Variants in ABCC2 observed in about 807,000 individuals in gnomAD.
ABCC2 encodes ATP-binding cassette sub-family C member 2.
ABCC2 carries 157 observed loss-of-function variants against 173.4 expected under a neutral mutation model. That is an observed-to-expected ratio of 0.91 (90% CI 0.80 to 1.03). The LOEUF (loss-of-function observed/expected upper bound fraction) is 1.03. Ranked by LOEUF, ABCC2 falls within the 50% of genes least tolerant of loss-of-function variation. ABCC2 has a pLI of 0.00. For synonymous variants in ABCC2, 657 were observed against 693.5 expected (o/e 0.95, Z 0.83); for missense variants, 1,822 against 1,852.3 (o/e 0.98, Z 0.30).
chr10:99,842,419 G>A (rs944579518), intron 26 of ABCC2, among the ~76,000 whole-genome samples: 9 of 152,108 alleles, frequency 5.9e-5, no homozygotes, highest in African/African-American at 1.7e-4. Flanking sequence ...TCTCTAGAAC[G>A]TAGCAGTAAT....
In ABCC2 at chr10:99,784,640, C is replaced by A; in HGVS notation, c.66C>A (p.Asp22Glu). The A allele has an allele frequency of 1.2e-6, 2 of 1,614,222 alleles. No homozygotes were observed. The highest frequency in any genetic ancestry group is 1.7e-6 in the Non-Finnish European group (2 of 1,180,042). Reference protein sequence around the residue: ...NSSFLDSPEADLPLCFEQTVL... With the variant: ...NSSFLDSPEAELPLCFEQTVL... ...CATTCCTGGACAGTCCGGAGGCAGA[C>A]CTGCCACTTTGTTTTGAGCAAACTG... Residue 22 changes from aspartate (D) to glutamate (E), a missense_variant, in exon 2 of 32, where the codon GAC becomes GAA. Coordinates refer to ENST00000647814, the MANE Select transcript of ABCC2 (RefSeq NM_000392.5).
At chr10:99,832,972 G>C (rs2038764430) in intron 23 of ABCC2, among the ~76,000 whole-genome samples, 1 of 152,250 alleles carries the variant, frequency 6.6e-6, no homozygotes, top group African/African-American at 2.4e-5. Flanking sequence ...CAGGAACAGA[G>C]GCAGAGATCA....
At chr10:99,798,305 C>G (rs2037956131) in intron 7 of ABCC2, among the ~76,000 whole-genome samples, 1 of 152,078 alleles carries the variant, frequency 6.6e-6, no homozygotes, top group South Asian at 2.1e-4. Flanking sequence ...GAGAGAGTAT[C>G]ACTGGTAGGC....
At chr10:99,798,372 A>G (rs1223797537) in intron 7 of ABCC2, among the ~76,000 whole-genome samples, 1 of 152,160 alleles carries the variant, frequency 6.6e-6, no homozygotes, top group Non-Finnish European at 1.5e-5. Flanking sequence ...GAGGAGGCCA[A>G]AGCATAGACA....
At chr10:99,851,080 C>T (rs569347855) in intron 31 of ABCC2, among the ~76,000 whole-genome samples, 2 of 152,328 alleles carry the variant, frequency 1.3e-5, no homozygotes, top group South Asian at 4.1e-4. Flanking sequence ...CCGTGAGAGG[C>T]AGATGTTGAC....
At chr10:99,808,455 C>T (rs2038152208) in intron 13 of ABCC2, among the ~76,000 whole-genome samples, 1 of 152,136 alleles carries the variant, frequency 6.6e-6, no homozygotes, top group Admixed American at 6.5e-5. Context: ...TCTCATCTAC[C>T]TCACAGGGAG....
chr10:99,793,789 G>A, intron 4 of ABCC2, 103 bp from the exon 5 acceptor site: 1 of 1,577,666 alleles, frequency 6.3e-7, no homozygotes, highest in East Asian at 2.2e-5. Flanking sequence ...TGTATTAGAG[G>A]GATTTGATCA....
chr10:99,823,538 T>G (rs1170147444), intron 19 of ABCC2, among the ~76,000 whole-genome samples: 2 of 144,882 alleles, frequency 1.4e-5, no homozygotes, highest in African/African-American at 5.5e-5. Flanking sequence ...CAAAATCTTG[T>G]AACACTGTAA....
At chr10:99,808,977 T>C (rs1298986579) in intron 13 of ABCC2, among the ~76,000 whole-genome samples, 1 of 152,300 alleles carries the variant, frequency 6.6e-6, no homozygotes, top group East Asian at 1.9e-4. Context: ...TCTTTTTAGA[T>C]ACAATTTATT....
intron 19 of ABCC2, among the ~76,000 whole-genome samples, chr10:99,825,744 C>T (rs2038627022): frequency 6.6e-6 from 1 of 152,210 alleles, no homozygotes; most frequent in Non-Finnish European, 1.5e-5. Context: ...GGCAGTGGGC[C>T]ATATACCTCT....
Position 99,831,753 on chromosome 10 carries a change from T to C in ABCC2, c.3026T>C (p.Ile1009Thr), listed in dbSNP as rs57351269. The change falls in exon 22 of 32, where the codon ATC becomes ACC. Residue 1009 changes from isoleucine to threonine, a missense_variant. Coordinates refer to ENST00000647814, the MANE Select transcript of ABCC2 (RefSeq NM_000392.5). Reference sequence around the variant, plus strand: ...AGTGCTTGGACCAGTGACTCTAAAATCTTCAATAGCACCGACTATCCAGCA... The same window carrying C: ...AGTGCTTGGACCAGTGACTCTAAAACCTTCAATAGCACCGACTATCCAGCA... Reference protein sequence around the residue: ...WLSAWTSDSKIFNSTDYPASQ... With the variant: ...WLSAWTSDSKTFNSTDYPASQ... 2.2e-4 allele frequency: 351 copies of C among 1,614,210 alleles called. 1 individual carries two copies. In the African/African-American group the frequency reaches 4.4e-3, roughly 20 times the overall value.
rs112339372 is a variant in ABCC2 at position 99,830,781 on chromosome 10, G to A, written c.2813G>A (p.Ser938Asn). 392 of 1,614,114 alleles carry A rather than the reference G, an allele frequency of 2.4e-4. No homozygotes were observed. In the African/African-American group the frequency reaches 4.5e-3, roughly 19 times the overall value. The change falls in exon 21 of 32, where the codon AGC becomes AAC. Residue 938 changes from serine to asparagine, a missense_variant. Transcript: ENST00000647814. ...TCCTTGAAAACTCGGAATGTGAATA[G>A]CCTGAAGGAAGACGAAGAACTAGTG... ...RNSLKTRNVN[S>N]LKEDEELVKG...
intron 9 of ABCC2, among the ~76,000 whole-genome samples, chr10:99,801,469 G>A (rs554796222): frequency 2.6e-5 from 4 of 152,160 alleles, no homozygotes; most frequent in South Asian, 4.2e-4. Context: ...ATCTCCTGAC[G>A]TCATGATCTG....
At position 99,818,694 on chromosome 10, in the gene ABCC2, T is replaced by G; in HGVS notation, c.2272-96T>G. On this transcript the variant is annotated intron_variant, in intron 17 of 31. Coordinates refer to ENST00000647814, the MANE Select transcript of ABCC2 (RefSeq NM_000392.5). ...TAAGATTTTTAACCCCTTGACACCT[T>G]ATTGAGACAAATTTCTTCCTTTTAC... 2 of 1,390,656 alleles carry G rather than the reference T, an allele frequency of 1.4e-6. 1 individual carries two copies. The highest frequency in any genetic ancestry group is 4.7e-5 in the East Asian group (2 of 42,972). 86.1% of individuals were successfully genotyped at this position (1,390,656 alleles called of 1,614,324 possible).
intron 2 of ABCC2, among the ~76,000 whole-genome samples, chr10:99,785,227 G>A (rs1336237028): frequency 6.6e-6 from 1 of 152,094 alleles, no homozygotes; most frequent in Admixed American, 6.5e-5. Context: ...TCCGAAATAA[G>A]GTTTCCATTT....
intron 30 of ABCC2, among the ~76,000 whole-genome samples, chr10:99,848,143 G>A (rs887553653): frequency 2.0e-5 from 3 of 152,108 alleles, no homozygotes; most frequent in African/African-American, 7.2e-5. Flanking sequence ...GGCTGTTAAG[G>A]GCATCGCAGT....
Position 99,794,393 on chromosome 10 carries a change from G to T in ABCC2, c.577-20G>T. 6.2e-7 allele frequency: 1 copy of T among 1,611,566 alleles called. No individual in the cohort carries two copies. Among genetic ancestry groups the T allele is most frequent in the Non-Finnish European group, 8.5e-7 (1 of 1,177,978 alleles). ...CCTGTCTCCAATTGGTTTACATTTC[G>T]ATTTTTTTGTGTCTTTCAGAATCCA... On this transcript the variant is annotated intron_variant, in intron 5 of 31. Transcript: ENST00000647814.
intron 25 of ABCC2, among the ~76,000 whole-genome samples, chr10:99,837,269 GGGAT>G (rs2038840680): frequency 7.8e-6 from 1 of 128,954 alleles, no homozygotes; most frequent in African/African-American, 2.9e-5. Context: ...CCAAGTAGCT[GGGAT>G]TACAGGCATG....
Position 99,799,260 on chromosome 10 carries a change from A to C in ABCC2, c.921A>C (p.Lys307Asn), listed in dbSNP as rs1321536602. The change falls in exon 8 of 32, where the codon AAA (lysine) becomes AAC (asparagine). Residue 307 changes from lysine to asparagine, a missense_variant. Coordinates refer to ENST00000647814, the MANE Select transcript of ABCC2 (RefSeq NM_000392.5). Reference protein sequence around the residue: ...KKSGTKKDVPKSWLMKALFKT... With the variant: ...KKSGTKKDVPNSWLMKALFKT... ...CTGGGACCAAAAAAGATGTTCCAAA[A>C]TCCTGGTTGATGAAGGCTCTGTTCA... The C allele has an allele frequency of 6.2e-7, 1 of 1,614,168 alleles. No individual in the cohort carries two copies. Among genetic ancestry groups the C allele is most frequent in the South Asian group, 1.1e-5 (1 of 91,080 alleles).
Sources: gnomAD v4.1 joint callset for allele counts (sites outside exome capture counted in the v4.1 genomes callset) on GRCh38, gnomAD v4.1.1 for gene constraint, MANE v1.5 for transcripts, NCBI Gene and HGNC (gene_info 2026-07-23, HGNC 2026-07-21) for gene names.